Variants in FYB2 observed in about 807,000 individuals in gnomAD.
FYB2 encodes the protein FYN binding protein 2.
In FYB2, 103 loss-of-function variants were observed where a neutral mutation model predicts 94.1. That is an observed-to-expected ratio of 1.09 (90% CI 0.93 to 1.29). FYB2 has a LOEUF of 1.29. Ranked by LOEUF, FYB2 falls within the 50% of genes most tolerant of loss-of-function variation. The pLI is 0.00. For synonymous variants in FYB2, 293 were observed against 287.9 expected (o/e 1.02, Z -0.18); for missense variants, 896 against 841.5 (o/e 1.06, Z -0.80).
At position 56,792,817 on chromosome 1, in the gene FYB2, TAATCA is replaced by T. The variant is rs778836004; in HGVS notation, c.10-19_10-15del. 8 of 1,580,010 alleles carry T rather than the reference TAATCA, an allele frequency of 5.1e-6. No individual in the cohort carries two copies. The highest frequency in any genetic ancestry group is 6.9e-6 in the Non-Finnish European group (8 of 1,166,042). On this transcript the variant is annotated splice_polypyrimidine_tract_variant and intron_variant, in intron 1 of 19. Transcript: ENST00000343433. ...TCTTACCCCTTCCTAAGGCAAAGAA[TAATCA>T]AACAAACAAACAAAAACAAAAACAA... is the stretch of plus-strand genomic sequence containing the variant.
chr1:56,789,020 T>C lies in FYB2; in HGVS notation c.872A>G (p.Gln291Arg). 1 of 1,614,050 alleles carries C rather than the reference T, an allele frequency of 6.2e-7. No homozygotes were observed. Residue 291 changes from glutamine (Q) to arginine (R), a missense_variant, in exon 3 of 20, where the codon CAG becomes CGG. Coordinates refer to ENST00000343433, the MANE Select transcript of FYB2 (RefSeq NM_001004303.5). ...AGCAGCTGGCTGCCTCTGAAAGGCC[T>C]GGAGGTTCACGATGGGAGGTCTTGA... Reference protein sequence around the residue: ...KPSRPPIVNLQAFQRQPAAVP... With the variant: ...KPSRPPIVNLRAFQRQPAAVP...
intron 1 of FYB2, among the ~76,000 whole-genome samples, chr1:56,803,636 A>C (rs1646571535): frequency 6.6e-6 from 1 of 152,200 alleles, no homozygotes; most frequent in African/African-American, 2.4e-5. Flanking sequence ...AAAAAATAAT[A>C]TAGTGTTTCA....
intron 15 of FYB2, chr1:56,731,951 TC>T (rs1197299586): frequency 6.6e-6 from 1 of 152,026 alleles, no homozygotes; most frequent in African/African-American, 2.4e-5. Context: ...CTCTCTCCAT[TC>T]TTATTCAACA....
At chr1:56,722,719 T>G (rs1236696103) in intron 17 of FYB2, among the ~76,000 whole-genome samples, 1 of 151,880 alleles carries the variant, frequency 6.6e-6, no homozygotes, top group African/African-American at 2.4e-5. Flanking sequence ...AGGCAAAGAG[T>G]GGCAAGAGAT....
intron 1 of FYB2, among the ~76,000 whole-genome samples, chr1:56,817,262 C>T (rs888007292): frequency 6.6e-6 from 1 of 152,206 alleles, no homozygotes; most frequent in Non-Finnish European, 1.5e-5. Flanking sequence ...ACACCCACGA[C>T]CTTCTGCCTC....
At position 56,783,879 on chromosome 1, in the gene FYB2, A is replaced by C. The variant is rs929916879; in HGVS notation, c.953+3296T>G. Reference sequence around the variant, plus strand: ...GCTCCTCATCAATGAATTTTTGAAGAGACTAAAGTTCTGAGCATAGATTCT... The same window carrying C: ...GCTCCTCATCAATGAATTTTTGAAGCGACTAAAGTTCTGAGCATAGATTCT... On this transcript the variant is annotated intron_variant, in intron 4 of 19. Transcript: ENST00000343433. Among the ~76,000 whole-genome samples the C allele has an allele frequency of 1.1e-4, 16 of 152,174 alleles. 1 individual carries two copies. Among genetic ancestry groups the C allele is most frequent in the Admixed American group, 9.2e-4 (14 of 15,270 alleles).
intron 9 of FYB2, among the ~76,000 whole-genome samples, chr1:56,749,134 T>A (rs1337411793): frequency 6.6e-6 from 1 of 151,812 alleles, no homozygotes; most frequent in African/African-American, 2.4e-5. Flanking sequence ...TATTCTTTAA[T>A]GTTCTTCATT....
At chr1:56,784,403 C>G (rs936775534) in intron 4 of FYB2, among the ~76,000 whole-genome samples, 2 of 152,102 alleles carry the variant, frequency 1.3e-5, no homozygotes, top group Non-Finnish European at 2.9e-5. Flanking sequence ...CCTACGTATA[C>G]CATTTATAAT....
intron 15 of FYB2, among the ~76,000 whole-genome samples, chr1:56,730,617 A>G (rs1357897334): frequency 6.6e-6 from 1 of 152,106 alleles, no homozygotes; most frequent in Non-Finnish European, 1.5e-5. Context: ...AAAGACCAAT[A>G]AAAGTGATGA....
At chr1:56,762,890 TAATC>T (rs1645532408) in intron 5 of FYB2, among the ~76,000 whole-genome samples, 2 of 152,172 alleles carry the variant, frequency 1.3e-5, no homozygotes, top group African/African-American at 4.8e-5. Flanking sequence ...TACATGTTCT[TAATC>T]AAGTTGAGGA....
intron 1 of FYB2, among the ~76,000 whole-genome samples, chr1:56,803,224 A>G (rs982041115): frequency 1.3e-5 from 2 of 152,240 alleles, no homozygotes; most frequent in Admixed American, 6.5e-5. Flanking sequence ...TACCATTTCT[A>G]TAGTAAAACA....
At chr1:56,825,980 C>T in the FYB2 span, among the ~76,000 whole-genome samples, 6 of 152,330 alleles carry the variant, frequency 3.9e-5, no homozygotes, top group African/African-American at 1.2e-4. Flanking sequence ...TGATCCTTCA[C>T]CTCTCAAGTG....
At chr1:56,815,464 A>G (rs1274919612) in intron 1 of FYB2, among the ~76,000 whole-genome samples, 1 of 152,180 alleles carries the variant, frequency 6.6e-6, no homozygotes, top group African/African-American at 2.4e-5. Flanking sequence ...ACTAGATGGC[A>G]TCTAGGATAG....
At chr1:56,737,191 T>C in intron 14 of FYB2, 44 bp from the exon 15 acceptor site, 3 of 1,462,158 alleles carry the variant, frequency 2.1e-6, no homozygotes, top group Non-Finnish European at 2.8e-6. Flanking sequence ...TTAAGCATGG[T>C]TTATATAAGC....
chr1:56,822,505 T>A (rs1646998222), upstream of FYB2, among the ~76,000 whole-genome samples: 1 of 152,234 alleles, frequency 6.6e-6, no homozygotes, highest in Non-Finnish European at 1.5e-5. Context: ...AGTTTGCTCC[T>A]CTGCGTAGCA....
intron 1 of FYB2, among the ~76,000 whole-genome samples, chr1:56,818,474 ACACAC>A (rs1646935514): frequency 6.6e-6 from 1 of 150,644 alleles, no homozygotes; most frequent in East Asian, 1.9e-4. Context: ...ACACACACAC[ACACAC>A]ACACACACAC....
At chr1:56,780,800 C>T (rs746770114) in intron 4 of FYB2, among the ~76,000 whole-genome samples, 8 of 152,016 alleles carry the variant, frequency 5.3e-5, no homozygotes, top group Non-Finnish European at 1.0e-4. Context: ...GAAAAACAGG[C>T]CAATCAGTGG....
chr1:56,778,744 C>T (rs1291092604), intron 4 of FYB2, among the ~76,000 whole-genome samples: 1 of 152,098 alleles, frequency 6.6e-6, no homozygotes, highest in East Asian at 1.9e-4. Context: ...TGAGGGAACA[C>T]GTGCTATAGC....
chr1:56,815,663 G>A (rs1351520772), intron 1 of FYB2, among the ~76,000 whole-genome samples: 1 of 152,120 alleles, frequency 6.6e-6, no homozygotes, highest in Non-Finnish European at 1.5e-5. Flanking sequence ...CCTGTAAAAT[G>A]GGAGTTTCCA....
Sources: allele counts gnomAD v4.1 joint callset (sites outside exome capture counted in the v4.1 genomes callset), GRCh38; gene constraint gnomAD v4.1.1; transcripts MANE v1.5; gene names NCBI Gene and HGNC (gene_info 2026-07-23, HGNC 2026-07-21).